The following PCDH11X variants were observed in gnomAD, a reference collection of about 807,000 sequenced individuals.
The protein encoded by PCDH11X is protocadherin 11 X-linked, also known as protocadherin-11 X-linked.
A neutral mutation model predicts 53.3 loss-of-function variants in PCDH11X; 18 were observed. The ratio of observed to expected loss-of-function variants is 0.34; its 90% CI spans 0.23 to 0.50. PCDH11X has a LOEUF of 0.50. PCDH11X is among the 20% of genes least tolerant of loss of function. The probability of loss-of-function intolerance (pLI) is 0.98; values close to 1 mark genes in which losing one functional copy is unlikely to be tolerated. For missense variants in PCDH11X, 570 were observed against 1,032.4 expected (o/e 0.55, Z 6.14); for synonymous variants, 279 against 393.3 (o/e 0.71, Z 3.44).
intron 8 of PCDH11X, among the ~76,000 whole-genome samples, chrX:92,276,767 A>C (rs2068103464): frequency 1.8e-5 from 2 of 111,959 alleles, no homozygotes; most frequent in East Asian, 2.8e-4. Flanking sequence ...GGGTAATAAA[A>C]TGTATATTGA....
At position 92,574,746 on chromosome X, in the gene PCDH11X, G is replaced by A. The variant is rs752257979; in HGVS notation, c.3368-43518G>A. Among the ~76,000 whole-genome samples, 52 of 110,914 alleles carry A rather than the reference G, an allele frequency of 4.7e-4. 1 individual carries two copies. In the South Asian group the frequency reaches 0.02, roughly 42 times the overall value. On this transcript the variant is annotated intron_variant, in intron 10 of 10. Coordinates refer to ENST00000682573, the MANE Select transcript of PCDH11X (RefSeq NM_032968.5). Reference sequence around the variant, plus strand: ...TACTGGGCTAAGTAGTTGTTTATGTGATTTCAGTTATTGCACATACATTTA... The same window carrying A: ...TACTGGGCTAAGTAGTTGTTTATGTAATTTCAGTTATTGCACATACATTTA...
chrX:92,300,547 G>A (rs1329599999), intron 8 of PCDH11X, among the ~76,000 whole-genome samples: 1 of 110,958 alleles, frequency 9.0e-6, no homozygotes, highest in Admixed American at 9.6e-5. Flanking sequence ...ACACGATCTC[G>A]GCTCACTGCA....
chrX:92,494,695 A>G (rs1399418542), intron 10 of PCDH11X, among the ~76,000 whole-genome samples: 4 of 108,820 alleles, frequency 3.7e-5, no homozygotes, highest in Non-Finnish European at 7.6e-5. Flanking sequence ...TTTTGAAATA[A>G]GGCAATAAGG....
At chrX:92,611,264 A>G (rs1927348103) in intron 10 of PCDH11X, among the ~76,000 whole-genome samples, 1 of 110,024 alleles carries the variant, frequency 9.1e-6, no homozygotes, top group Non-Finnish European at 1.9e-5. Context: ...TGTGTCATCT[A>G]TGATTTCTTT....
At chrX:92,412,171 AGG>A (rs2071691279) in intron 9 of PCDH11X, among the ~76,000 whole-genome samples, 1 of 106,618 alleles carries the variant, frequency 9.4e-6, no homozygotes, top group South Asian at 4.4e-4. Flanking sequence ...GAGGAGGAAA[AGG>A]GAGAGAGAGA....
intron 10 of PCDH11X, among the ~76,000 whole-genome samples, chrX:92,504,314 C>A (rs919533817): frequency 3.8e-5 from 4 of 105,960 alleles, no homozygotes; most frequent in Non-Finnish European, 7.8e-5. Context: ...TTCTTTGTGT[C>A]CATGCATCCT....
At chrX:91,924,813 G>A (rs1055955996) in intron 6 of PCDH11X, among the ~76,000 whole-genome samples, 27 of 111,222 alleles carry the variant, frequency 2.4e-4, no homozygotes, top group African/African-American at 8.8e-4. Flanking sequence ...AATTGTGTAT[G>A]TGTAGTAAGT....
At chrX:92,394,116 A>G (rs1437307646) in intron 9 of PCDH11X, among the ~76,000 whole-genome samples, 1 of 111,491 alleles carries the variant, frequency 9.0e-6, no homozygotes, top group Non-Finnish European at 1.9e-5. Flanking sequence ...GGCTTTGTGA[A>G]GGCAACAAAA....
chrX:91,782,681 G>A (rs749837806), intron 1 of PCDH11X, among the ~76,000 whole-genome samples: 1 of 109,218 alleles, frequency 9.2e-6, no homozygotes, highest in Admixed American at 9.7e-5. Context: ...TTGCGGAAAG[G>A]CTCTATCCAC....
intron 5 of PCDH11X, among the ~76,000 whole-genome samples, chrX:91,849,351 G>A (rs767666792): frequency 1.6e-3 from 178 of 109,340 alleles, no homozygotes; most frequent in African/African-American, 5.4e-3. Context: ...TCCTGTCTTG[G>A]GGGTTTATTG....
chrX:92,545,284 A>G (rs2074827011), intron 10 of PCDH11X, among the ~76,000 whole-genome samples: 1 of 110,354 alleles, frequency 9.1e-6, no homozygotes. Flanking sequence ...TATTTATTCC[A>G]AAGACCAGTA....
At chrX:92,063,187 G>A (rs1257618970) in intron 6 of PCDH11X, among the ~76,000 whole-genome samples, 5 of 102,320 alleles carry the variant, frequency 4.9e-5, no homozygotes, top group Non-Finnish European at 1.0e-4. Flanking sequence ...CACCAGGCCT[G>A]TCGGGGGGTG....
chrX:92,548,798 G>A (rs778536495), intron 10 of PCDH11X, among the ~76,000 whole-genome samples: 4 of 109,894 alleles, frequency 3.6e-5, no homozygotes, highest in Non-Finnish European at 5.7e-5. Context: ...TGATATGTTC[G>A]ATCCATCATT....
At position 91,892,343 on chromosome X, in the gene PCDH11X, T is replaced by C. The variant is rs774970012; in HGVS notation, c.3033+13070T>C. On this transcript the variant is annotated intron_variant, in intron 6 of 10. Transcript: ENST00000682573. ...CAATCAATTTTCTACCCTGTACCCA[T>C]AATACTCCTAAAACACAGGTCTGAT... Among the ~76,000 whole-genome samples the C allele has an allele frequency of 9.7e-3, 1,043 of 107,671 alleles. 6 individuals are homozygous for C. Among genetic ancestry groups the C allele is most frequent in the Non-Finnish European group, 0.014 (742 of 51,969 alleles). 93.5% of individuals were successfully genotyped at this position (107,671 alleles called of 115,157 possible). A position where few individuals can be genotyped will look rare whatever the true frequency, so the allele number is the denominator to read the frequency against.
At chrX:92,119,285 T>C (rs2064706570) in intron 6 of PCDH11X, among the ~76,000 whole-genome samples, 1 of 109,345 alleles carries the variant, frequency 9.1e-6, no homozygotes, top group Admixed American at 9.9e-5. Context: ...TTTTTAATTT[T>C]TGGCAGAGAT....
chrX:91,789,007 G>T (rs1316773228), intron 1 of PCDH11X, among the ~76,000 whole-genome samples: 1 of 109,860 alleles, frequency 9.1e-6, no homozygotes, highest in Non-Finnish European at 1.9e-5. Context: ...AGGCCATCGT[G>T]GCCAACATGG....
chrX:92,062,651 A>T (rs1359673627), intron 6 of PCDH11X, among the ~76,000 whole-genome samples: 1 of 112,094 alleles, frequency 8.9e-6, no homozygotes, highest in East Asian at 2.8e-4. Context: ...ATGAGATACC[A>T]TCTCATGCCA....
At position 91,969,845 on chromosome X, in the gene PCDH11X, T is replaced by C. The variant is rs755567368; in HGVS notation, c.3033+90572T>C. ...AAAAAAGCAAAAGCAAAGGGGATCA[T>C]CGTGTTTGGCAGCATGGCTTGGTGG... On this transcript the variant is annotated intron_variant, in intron 6 of 10. Coordinates refer to ENST00000682573, the MANE Select transcript of PCDH11X (RefSeq NM_032968.5). Among the ~76,000 whole-genome samples the C allele has an allele frequency of 1.5e-4, 16 of 107,545 alleles. No homozygotes were observed. In the South Asian group the frequency reaches 6.2e-3, roughly 42 times the overall value. 93.4% of individuals were successfully genotyped at this position (107,545 alleles called of 115,157 possible).
intron 8 of PCDH11X, among the ~76,000 whole-genome samples, chrX:92,347,148 T>G (rs777833928): frequency 8.9e-6 from 1 of 111,939 alleles, no homozygotes; most frequent in Non-Finnish European, 1.9e-5. Flanking sequence ...TATTTTAAAA[T>G]TATTTGCATA....
Sources: gnomAD v4.1 joint callset for allele counts (sites outside exome capture counted in the v4.1 genomes callset) on GRCh38, gnomAD v4.1.1 for gene constraint, MANE v1.5 for transcripts, NCBI Gene and HGNC (gene_info 2026-07-23, HGNC 2026-07-21) for gene names.